Variants in CTNND1 observed in about 807,000 individuals in gnomAD.
CTNND1 encodes the protein catenin delta-1.
Under a neutral mutation model 112.1 loss-of-function variants are expected in CTNND1, and 16 were observed. The observed-to-expected ratio is 0.14, with a 90% CI of 0.10 to 0.22. The LOEUF (loss-of-function observed/expected upper bound fraction) is 0.22, where lower values mean the gene tolerates loss of function less well. CTNND1 is among the 10% of genes least tolerant of loss of function. The pLI is 1.00. For synonymous variants in CTNND1, 420 were observed against 446.5 expected (o/e 0.94, Z 0.75); for missense variants, 1,008 against 1,257.0 (o/e 0.80, Z 3.00).
At chr11:57,775,805 G>A (rs1461900611) in intron 1 of CTNND1, among the ~76,000 whole-genome samples, 1 of 152,126 alleles carries the variant, frequency 6.6e-6, no homozygotes, top group Non-Finnish European at 1.5e-5. Context: ...GCCGCTTAAG[G>A]TTTACTCTTT....
At chr11:57,802,245 T>TTCTCAACATCACTAGA in intron 7 of CTNND1, 49 bp downstream of exon 7, 1 of 1,475,858 alleles carries the variant, frequency 6.8e-7, no homozygotes, top group Non-Finnish European at 9.2e-7. Flanking sequence ...TACTCTCTAG[T>TTCTCAACATCACTAGA]GATGTTGAGA....
In CTNND1 at chr11:57,806,475, A is replaced by G. The variant is rs372312508; in HGVS notation, c.1891A>G (p.Arg631Gly). The change falls in exon 11 of 21, where the codon AGA becomes GGA. Residue 631 changes from arginine (R) to glycine (G), a missense_variant. Physicochemically the swap from Arg to Gly is moderately radical, Grantham distance 125 (BLOSUM62 -2). This residue lies in a region of CTNND1 where 254 missense variants were observed against 279.5 expected (regional missense o/e 0.91). Coordinates refer to ENST00000399050, the MANE Select transcript of CTNND1 (RefSeq NM_001085458.2). ...AKKGKDEWFS[R>G]GKKPIEDPAN... ...TGCACTGGAAGATGAGTGGTTCTCC[A>G]GAGGTGAGTGGAGTCTTTTAAGGTG... 1.9e-6 allele frequency: 3 copies of G among 1,603,278 alleles called. No individual in the cohort carries two copies. The highest frequency in any genetic ancestry group is 4.5e-5 in the East Asian group (2 of 44,746).
At chr11:57,769,321 CAAAA>C (rs921424107) in intron 1 of CTNND1, among the ~76,000 whole-genome samples, 8 of 129,646 alleles carry the variant, frequency 6.2e-5, no homozygotes, top group African/African-American at 2.3e-4. Context: ...GACTCCGTCT[CAAAA>C]AAAAAAAAAC....
At chr11:57,785,442 C>T (rs989087941) in intron 1 of CTNND1, among the ~76,000 whole-genome samples, 3 of 152,148 alleles carry the variant, frequency 2.0e-5, no homozygotes, top group African/African-American at 4.8e-5. Context: ...ATAACAAAGC[C>T]TATACACTTA....
intron 9 of CTNND1, among the ~76,000 whole-genome samples, 197 bp downstream of exon 9, chr11:57,804,977 C>A (rs1591600985): frequency 6.6e-6 from 1 of 152,314 alleles, no homozygotes; most frequent in East Asian, 1.9e-4. Context: ...CAGCTCACTG[C>A]AACTTCTGCT....
At position 57,770,373 on chromosome 11, in the gene CTNND1, G is replaced by A. The variant is rs116305492; in HGVS notation, c.-214+8254G>A. On this transcript the variant is annotated intron_variant, in intron 1 of 20. Transcript: ENST00000399050. The stretch of plus-strand genomic sequence containing the variant: ...AAAAAAAGAAAGATTTTTGTTACAC[G>A]GTTGGGCTCGGTGGCTCACACCTGT... Among the ~76,000 whole-genome samples the A allele has an allele frequency of 3.3e-5, 5 of 151,356 alleles. No individual in the cohort carries two copies. The East Asian group carries it at 5.9e-4, about 18-fold the overall frequency.
intron 1 of CTNND1, among the ~76,000 whole-genome samples, chr11:57,773,043 C>T (rs949939673): frequency 9.2e-5 from 14 of 152,154 alleles, no homozygotes; most frequent in Admixed American, 7.2e-4. Context: ...GTAACTGTAT[C>T]GTCTTGCATG....
intron 19 of CTNND1, 73 bp downstream of exon 19, chr11:57,815,573 CA>C (rs761494462): frequency 8.0e-5 from 99 of 1,243,142 alleles, no homozygotes; most frequent in Non-Finnish European, 9.8e-5. Context: ...TTGTGAAACA[CA>C]AAAAAAAGTA....
chr11:57,796,361 AG>A, intron 5 of CTNND1, 95 bp from the exon 6 acceptor site: 1 of 1,191,270 alleles, frequency 8.4e-7, no homozygotes, highest in Non-Finnish European at 1.1e-6. Context: ...CACTCCAGCC[AG>A]GGCAACAGTG....
intron 17 of CTNND1, 107 bp from the exon 18 acceptor site, chr11:57,814,204 A>G (rs1305802352): frequency 1.8e-5 from 14 of 757,184 alleles, no homozygotes; most frequent in Non-Finnish European, 2.8e-5. Context: ...GGTGCTAAGT[A>G]GAAGTGTGAA....
At chr11:57,795,105 G>A (rs1423291322) in intron 4 of CTNND1, among the ~76,000 whole-genome samples, 1 of 152,182 alleles carries the variant, frequency 6.6e-6, no homozygotes, top group East Asian at 1.9e-4. Context: ...GAAATGGCAA[G>A]ATTGCTTGAG....
At chr11:57,779,580 CAA>C (rs1299963992) in intron 1 of CTNND1, among the ~76,000 whole-genome samples, 2 of 152,196 alleles carry the variant, frequency 1.3e-5, no homozygotes, top group Non-Finnish European at 2.9e-5. Context: ...ACCACTAGAA[CAA>C]TCCTTCTTCT....
Position 57,815,973 on chromosome 11 carries a change from A to T in CTNND1, c.2867A>T (p.Glu956Val). 1 of 1,597,660 alleles carries T rather than the reference A, an allele frequency of 6.3e-7. No homozygotes were observed. The highest frequency in any genetic ancestry group is 8.5e-7 in the Non-Finnish European group (1 of 1,175,756). ...EELDVLVLDD[E>V]GGQVSYPSMQ... ...TTGGATGTGTTGGTTTTGGATGATG[A>T]GGGGGGCCAAGTGTCTTACCCCTCC... Residue 956 changes from glutamate to valine, a missense_variant, in exon 20 of 21, where the codon GAG (glutamate) becomes GTG (valine). Transcript: ENST00000399050.
intron 1 of CTNND1, among the ~76,000 whole-genome samples, chr11:57,786,773 T>C (rs888441523): frequency 2.1e-4 from 32 of 152,196 alleles, no homozygotes; most frequent in African/African-American, 7.7e-4. Flanking sequence ...CCTCCCATTT[T>C]TTTTCTGTTT....
rs1484856424 is a variant in CTNND1 at position 57,808,091 on chromosome 11, T to A, written c.1964-74T>A. ...ATCCATCAACTGAGAGTACTAAGGCTGGACTCCAGCCAGCTAGAGCCTGGT... is the reference window on the plus strand; with the variant it reads ...ATCCATCAACTGAGAGTACTAAGGCAGGACTCCAGCCAGCTAGAGCCTGGT... On this transcript the variant is annotated intron_variant, in intron 12 of 20. Transcript: ENST00000399050. 7 of 1,512,394 alleles carry A rather than the reference T, an allele frequency of 4.6e-6. No individual in the cohort carries two copies. In the East Asian group the frequency reaches 1.6e-4, roughly 35 times the overall value. The allele number at this position is 1,512,394 out of a possible 1,614,324, so 93.7% of individuals were successfully genotyped here. A position where few individuals can be genotyped will look rare whatever the true frequency, so the allele number is the denominator to read the frequency against.
At chr11:57,762,915 AC>A (rs1422760973) in intron 1 of CTNND1, among the ~76,000 whole-genome samples, 3 of 152,198 alleles carry the variant, frequency 2.0e-5, no homozygotes, top group Non-Finnish European at 4.4e-5. Context: ...GTGGCAACAT[AC>A]CTGAAAATAT....
At chr11:57,806,202 G>A (rs1373842469) in intron 10 of CTNND1, among the ~76,000 whole-genome samples, 167 bp downstream of exon 10, 1 of 146,872 alleles carries the variant, frequency 6.8e-6, no homozygotes, top group African/African-American at 2.5e-5. Context: ...TCAAGGTGTG[G>A]TGATGGGATG....
In CTNND1 at chr11:57,801,768, C is replaced by T. The variant is rs776448167; in HGVS notation, c.992C>T (p.Ser331Leu). ...YEDMIGEEVP[S>L]DQYYWAPLAQ... Reference sequence around the variant, plus strand: ...GACATGATTGGTGAGGAGGTGCCATCGGATCAATACTACTGGGCTCCTTTG... The same window carrying T: ...GACATGATTGGTGAGGAGGTGCCATTGGATCAATACTACTGGGCTCCTTTG... Residue 331 changes from serine to leucine, a missense_variant, in exon 7 of 21, where the codon TCG (serine) becomes TTG (leucine). Around this residue, in one of 5 missense-constraint regions of CTNND1, gnomAD observed 216 missense variants for 342.8 expected, o/e 0.63. Transcript: ENST00000399050. The T allele has an allele frequency of 2.0e-5, 32 of 1,613,530 alleles. No individual in the cohort carries two copies. Among genetic ancestry groups the T allele is most frequent in the Middle Eastern group, 1.7e-4 (1 of 6,058 alleles).
chr11:57,777,236 A>G (rs541121283), intron 1 of CTNND1, among the ~76,000 whole-genome samples: 4 of 152,092 alleles, frequency 2.6e-5, no homozygotes, highest in Non-Finnish European at 5.9e-5. Context: ...GCTATTGTGT[A>G]TATTACTGCC....
Sources: gnomAD v4.1 joint callset for allele counts (sites outside exome capture counted in the v4.1 genomes callset) on GRCh38, gnomAD v4.1.1 for gene constraint, gnomAD v4.1.1 regional missense constraint, MANE v1.5 for transcripts, NCBI Gene and HGNC (gene_info 2026-07-23, HGNC 2026-07-21) for gene names.